MBTPS1: variants seen among roughly 807,000 people sequenced by gnomAD.
The protein encoded by MBTPS1 is membrane-bound transcription factor site-1 protease.
In MBTPS1, 94 loss-of-function variants were observed where a neutral mutation model predicts 127.8. The ratio of observed to expected loss-of-function variants is 0.74; its 90% confidence interval spans 0.62 to 0.87. The LOEUF (loss-of-function observed/expected upper bound fraction) is 0.87. MBTPS1 is among the 40% of genes least tolerant of loss of function. The pLI, the probability that MBTPS1 is intolerant of heterozygous loss-of-function variation, is 0.00. For missense variants in MBTPS1, 1,636 were observed against 1,353.2 expected (o/e 1.21, Z -3.28); for synonymous variants, 632 against 509.4 (o/e 1.24, Z -3.24).
At position 84,054,811 on chromosome 16, in the gene MBTPS1, A is replaced by G. The variant is rs117395800; in HGVS notation, c.2963-166T>C. Reference sequence around the variant, plus strand: ...AGCCTTAGCTAAAGTAACCCAGGCTATTAATAAAGAGTGGATGAGAGCAAA... The same window carrying G: ...AGCCTTAGCTAAAGTAACCCAGGCTGTTAATAAAGAGTGGATGAGAGCAAA... On this transcript the variant is annotated intron_variant, in intron 22 of 22. Transcript: ENST00000343411. 9.8e-3 allele frequency among the ~76,000 whole-genome samples: 1,487 copies of G among 152,332 alleles called. 11 individuals carry two copies. Among genetic ancestry groups the G allele is most frequent in the Non-Finnish European group, 0.013 (897 of 68,024 alleles).
intron 18 of MBTPS1, 72 bp downstream of exon 18, chr16:84,065,618 A>C (rs1323285860): frequency 4.2e-6 from 4 of 952,128 alleles, no homozygotes; most frequent in Non-Finnish European, 6.9e-6. Context: ...GAGATGAGAG[A>C]CAGAGAGAGA....
chr16:84,113,018 G>C (rs1250383617), intron 1 of MBTPS1, among the ~76,000 whole-genome samples: 1 of 149,244 alleles, frequency 6.7e-6, no homozygotes, highest in African/African-American at 2.5e-5. Context: ...TTTCTGGTAA[G>C]AGAGTGGCAC....
intron 8 of MBTPS1, among the ~76,000 whole-genome samples, chr16:84,088,847 C>G (rs562083218): frequency 1.8e-4 from 27 of 152,308 alleles, no homozygotes; most frequent in Admixed American, 9.1e-4. Context: ...GCTGGGCTGC[C>G]GTGATCACAT....
At chr16:84,104,398 G>T (rs2086296081) in intron 1 of MBTPS1, among the ~76,000 whole-genome samples, 2 of 152,056 alleles carry the variant, frequency 1.3e-5, no homozygotes, top group African/African-American at 4.8e-5. Context: ...TAGCCTGGAG[G>T]GTTGCAGTGG....
chr16:84,096,526 G>C (rs987300720), intron 3 of MBTPS1, among the ~76,000 whole-genome samples: 1 of 152,222 alleles, frequency 6.6e-6, no homozygotes, highest in Non-Finnish European at 1.5e-5. Flanking sequence ...CAGTACCACA[G>C]AAATGGCCTA....
At chr16:84,088,731 G>A (rs971390423) in intron 8 of MBTPS1, among the ~76,000 whole-genome samples, 4 of 152,144 alleles carry the variant, frequency 2.6e-5, no homozygotes, top group Non-Finnish European at 2.9e-5. Context: ...CGGAGGATGT[G>A]TGCCTCATTC....
chr16:84,065,587 G>C (rs998482315), intron 18 of MBTPS1, 103 bp downstream of exon 18: 2 of 788,202 alleles, frequency 2.5e-6, no homozygotes. Context: ...ATGCAATAAA[G>C]CTTTTATTAA....
chr16:84,079,284 T>G, intron 11 of MBTPS1, among the ~76,000 whole-genome samples: 1 of 152,314 alleles, frequency 6.6e-6, no homozygotes, highest in Admixed American at 6.5e-5. Flanking sequence ...TCTTTATAAA[T>G]TACCCAGTCT....
In MBTPS1 at chr16:84,113,961, T is replaced by G. The variant is rs1305720899; in HGVS notation, c.-325+2774A>C. 2.0e-5 allele frequency among the ~76,000 whole-genome samples: 3 copies of G among 151,468 alleles called. No homozygotes were observed. The East Asian group carries it at 5.8e-4, about 29-fold the overall frequency. The stretch of plus-strand genomic sequence containing the variant: ...TAAAACAAAGGTGTCTTCCCTTTTT[T>G]TTTTTTTTTTTTTTCTTTTTTTGAG... On this transcript the variant is annotated intron_variant, in intron 1 of 22. Transcript: ENST00000343411.
chr16:84,079,834 C>T (rs2085913689), intron 11 of MBTPS1, among the ~76,000 whole-genome samples: 1 of 152,218 alleles, frequency 6.6e-6, no homozygotes, highest in African/African-American at 2.4e-5. Flanking sequence ...TAGGCAGATA[C>T]AGAAGCAGTC....
At chr16:84,063,284 G>A (rs1380797819) in intron 19 of MBTPS1, 21 bp downstream of exon 19, 2 of 1,599,378 alleles carry the variant, frequency 1.3e-6, no homozygotes, top group African/African-American at 2.7e-5. Flanking sequence ...AAGTCACAAA[G>A]TCCATCTGCG....
chr16:84,113,956 T>C (rs1055198206), intron 1 of MBTPS1, among the ~76,000 whole-genome samples: 2 of 105,114 alleles, frequency 1.9e-5, no homozygotes, highest in East Asian at 2.5e-4. Flanking sequence ...GTGTCTTCCC[T>C]TTTTTTTTTT....
intron 11 of MBTPS1, among the ~76,000 whole-genome samples, chr16:84,077,803 G>C (rs527631790): frequency 6.6e-6 from 1 of 152,176 alleles, no homozygotes; most frequent in Non-Finnish European, 1.5e-5. Flanking sequence ...AAAGACAACT[G>C]ACAAAGTGGC....
intron 9 of MBTPS1, chr16:84,085,957 A>G (rs1311590605): frequency 6.6e-6 from 1 of 152,236 alleles, no homozygotes; most frequent in African/African-American, 2.4e-5. Flanking sequence ...CTGAGAAGGA[A>G]CAAGATAACC....
chr16:84,099,524 G>A lies in MBTPS1; in HGVS notation c.164-214C>T, dbSNP rs565479426. 3.3e-5 allele frequency among the ~76,000 whole-genome samples: 5 copies of A among 152,236 alleles called. No individual in the cohort carries two copies. The East Asian group carries it at 7.7e-4, about 24-fold the overall frequency. ...TATGGGGCTGGGCGCGGTGGCTCAC[G>A]CCTGTAATCCCAGCACTTTGGGAGG... On this transcript the variant is annotated intron_variant, in intron 2 of 22. Coordinates refer to ENST00000343411, the MANE Select transcript of MBTPS1 (RefSeq NM_003791.4).
intron 8 of MBTPS1, among the ~76,000 whole-genome samples, chr16:84,088,751 C>G (rs937406652): frequency 1.3e-5 from 2 of 152,142 alleles, no homozygotes; most frequent in African/African-American, 4.8e-5. Context: ...CCCAGAGGGG[C>G]TGACGTATGC....
At chr16:84,103,662 G>A (rs2086286935) in intron 1 of MBTPS1, among the ~76,000 whole-genome samples, 1 of 152,170 alleles carries the variant, frequency 6.6e-6, no homozygotes, top group African/African-American at 2.4e-5. Flanking sequence ...GTGCTTCTGA[G>A]TTTTTGGTTT....
chr16:84,069,761 C>T (rs2085742769), intron 14 of MBTPS1, 105 bp downstream of exon 14: 3 of 1,088,516 alleles, frequency 2.8e-6, no homozygotes, highest in South Asian at 3.1e-5. Context: ...AGAGTCCAGG[C>T]TCCACGAGAA....
chr16:84,114,606 G>A (rs1567510547), intron 1 of MBTPS1, among the ~76,000 whole-genome samples: 1 of 151,748 alleles, frequency 6.6e-6, no homozygotes, highest in Non-Finnish European at 1.5e-5. Context: ...CGACGCGGGC[G>A]GATCATGAGG....
Sources: allele counts gnomAD v4.1 joint callset (sites outside exome capture counted in the v4.1 genomes callset), GRCh38; gene constraint gnomAD v4.1.1; transcripts MANE v1.5; gene names NCBI Gene and HGNC (gene_info 2026-07-23, HGNC 2026-07-21).